Variants in PRSS16 observed in about 807,000 individuals in gnomAD.
PRSS16 encodes serine protease 16.
PRSS16 carries 43 observed loss-of-function variants against 61.7 expected under a neutral mutation model. That is an observed-to-expected ratio of 0.70 (90% confidence interval 0.55 to 0.90). The LOEUF (loss-of-function observed/expected upper bound fraction) is 0.90, where lower values mean the gene tolerates loss of function less well. PRSS16 is among the 40% of genes least tolerant of loss of function. PRSS16 has a pLI of 0.00. For missense variants in PRSS16, 591 were observed against 659.1 expected, an observed-to-expected ratio of 0.90 and a Z score of 1.13; for synonymous variants, 273 against 285.2, an observed-to-expected ratio of 0.96 and a Z score of 0.43.
rs567779647 is a variant in PRSS16 at position 27,251,388 on chromosome 6, G to C, written c.717+124G>C. On this transcript the variant is annotated intron_variant, in intron 7 of 11. Coordinates refer to ENST00000230582, the MANE Select transcript of PRSS16 (RefSeq NM_005865.4). This position sits in a 1 kb window ranked among gnomAD's most constrained non-coding sequence, Gnocchi z 5.6. ...CGGGGTCTAAGGAAGGTCGGAGCTC[G>C]GGGGAATACGCAGGTTTTGGAAGAA... 4.9e-6 allele frequency: 6 copies of C among 1,232,844 alleles called. No individual in the cohort carries two copies. Among genetic ancestry groups the C allele is most frequent in the Non-Finnish European group, 6.6e-6 (6 of 908,460 alleles). 76.4% of individuals were successfully genotyped at this position (1,232,844 alleles called of 1,614,324 possible).
chr6:27,250,795 GC>G lies in PRSS16; in HGVS notation c.583del (p.Arg195GlyfsTer2), dbSNP rs770520537. The G allele has an allele frequency of 1.2e-6, 2 of 1,610,098 alleles. No individual in the cohort carries two copies. Among genetic ancestry groups the G allele is most frequent in the Admixed American group, 3.4e-5 (2 of 59,502 alleles). The part of the protein sequence containing the change: ...GSYAGSLAAW[A>X]RLKFPHLIFA... ...CTATGCCGGCTCCTTGGCCGCCTGG[GC>G]CCGGCTGAAGGTCCTGCGACTCCTC... On this transcript the variant is annotated frameshift_variant, in exon 5 of 12. Coordinates refer to ENST00000230582, the MANE Select transcript of PRSS16 (RefSeq NM_005865.4). LOFTEE classifies it high-confidence loss of function.
intron 9 of PRSS16, chr6:27,254,314 G>A (rs959461267): frequency 5.5e-6 from 1 of 181,910 alleles, no homozygotes; most frequent in Non-Finnish European, 1.1e-5. Flanking sequence ...AAGCAGGGCA[G>A]ACATAATACA....
intron 2 of PRSS16, among the ~76,000 whole-genome samples, 157 bp downstream of exon 2, chr6:27,248,205 C>T (rs956420731): frequency 1.3e-5 from 2 of 151,776 alleles, no homozygotes; most frequent in African/African-American, 4.8e-5. Context: ...TATCCCTTTT[C>T]CTGCCCTTTG....
chr6:27,251,653 G>A lies in PRSS16; in HGVS notation c.718-97G>A. 1 of 1,443,006 alleles carries A rather than the reference G, an allele frequency of 6.9e-7. No homozygotes were observed. Among genetic ancestry groups the A allele is most frequent in the South Asian group, 1.4e-5 (1 of 70,860 alleles). 89.4% of individuals were successfully genotyped at this position (1,443,006 alleles called of 1,614,324 possible). On this transcript the variant is annotated intron_variant, in intron 7 of 11. Transcript: ENST00000230582. The surrounding 1 kb of genome is among the most constrained non-coding windows in gnomAD (Gnocchi z 5.6). ...GGTCTGCACCCTCTGAGTCCCGCTA[G>A]GGGAAAGTGGGGAACCCAAGGAGGA... is the stretch of plus-strand genomic sequence containing the variant.
In PRSS16 at chr6:27,256,327, G is replaced by C. The variant is rs1297571171; in HGVS notation, c.*1012G>C. On this transcript the variant is annotated 3_prime_UTR_variant, in exon 12 of 12. Coordinates refer to ENST00000230582, the MANE Select transcript of PRSS16 (RefSeq NM_005865.4). ...TGGAGATTCCTTCTTCCAGGGCCTG[G>C]GAGGATAGGGCTAATCCCAAGGGTG... 1 of 152,664 alleles carries C rather than the reference G, an allele frequency of 6.6e-6. No homozygotes were observed. The highest frequency in any genetic ancestry group is 1.5e-5 in the Non-Finnish European group (1 of 68,088). The allele number at this position is 152,664 out of a possible 1,614,324, so 9.5% of individuals were successfully genotyped here. A position where few individuals can be genotyped will look rare whatever the true frequency, so the allele number is the denominator to read the frequency against.
At chr6:27,248,744 A>G in intron 2 of PRSS16, 103 bp from the exon 3 acceptor site, 1 of 740,538 alleles carries the variant, frequency 1.4e-6, no homozygotes, top group Non-Finnish European at 2.2e-6. Flanking sequence ...TGTTAAGTAC[A>G]TAAGGAAAGA....
chr6:27,255,596 C>A lies in PRSS16; in HGVS notation c.*281C>A. ...AACAAATGTGACTTATGCTGGTGCCCTCGCCCTGCTGATCAGATTCTGGTT... is the reference window on the plus strand; with the variant it reads ...AACAAATGTGACTTATGCTGGTGCCATCGCCCTGCTGATCAGATTCTGGTT... On this transcript the variant is annotated 3_prime_UTR_variant, in exon 12 of 12. Transcript: ENST00000230582. The surrounding 1 kb of genome is among the most constrained non-coding windows in gnomAD (Gnocchi z 4.4). 1 of 332,132 alleles carries A rather than the reference C, an allele frequency of 3.0e-6. No homozygotes were observed. The highest frequency in any genetic ancestry group is 5.7e-6 in the Non-Finnish European group (1 of 175,548). The allele number at this position is 332,132 out of a possible 1,614,324, so 20.6% of individuals were successfully genotyped here.
chr6:27,252,870 G>A lies in PRSS16; in HGVS notation c.1071G>A (p.Gln357=). ...TTTCCCGAGCAGAGACAGTGGCACA[G>A]CTGAGGAGCACAGAACCTCAACTGT... ...LSFSRAETVA[Q]LRSTEPQLSG... Residue 357 remains glutamine (Q), a synonymous_variant, in exon 9 of 12, where the codon CAG becomes CAA. Coordinates refer to ENST00000230582, the MANE Select transcript of PRSS16 (RefSeq NM_005865.4). The surrounding 1 kb of genome is among the most constrained non-coding windows in gnomAD (Gnocchi z 4.2). 1 of 1,614,198 alleles carries A rather than the reference G, an allele frequency of 6.2e-7. No homozygotes were observed. The highest frequency in any genetic ancestry group is 1.7e-4 in the Middle Eastern group (1 of 6,056).
At position 27,255,214 on chromosome 6, in the gene PRSS16, T is replaced by C. The variant is rs1243252306; in HGVS notation, c.1477-33T>C. 1 of 1,613,884 alleles carries C rather than the reference T, an allele frequency of 6.2e-7. No homozygotes were observed. Among genetic ancestry groups the C allele is most frequent in the South Asian group, 1.1e-5 (1 of 91,066 alleles). On this transcript the variant is annotated intron_variant, in intron 11 of 11. Transcript: ENST00000230582. The surrounding 1 kb of genome is among the most constrained non-coding windows in gnomAD (Gnocchi z 4.4). The stretch of plus-strand genomic sequence containing the variant: ...TTCCCTCCTTCTGCTGGTGCTGAAA[T>C]CTGACTTTCAAATTCTTCCCACCTC...
Position 27,253,494 on chromosome 6 carries a change from A to T in PRSS16, c.1150+545A>T, listed in dbSNP as rs1481950787. 8.8e-6 allele frequency: 4 copies of T among 454,512 alleles called. No individual in the cohort carries two copies. The East Asian group carries it at 2.8e-4, about 32-fold the overall frequency. The allele number at this position is 454,512 out of a possible 1,614,324, so 28.2% of individuals were successfully genotyped here. ...CATAGCATCCACAGAGATCCTTGTA[A>T]ATATAACCTTGTCCCTCCTGTACTC... On this transcript the variant is annotated intron_variant, in intron 9 of 11. Coordinates refer to ENST00000230582, the MANE Select transcript of PRSS16 (RefSeq NM_005865.4).
At chr6:27,249,330 C>T in intron 4 of PRSS16, 101 bp downstream of exon 4, 1 of 1,408,128 alleles carries the variant, frequency 7.1e-7, no homozygotes, top group Non-Finnish European at 9.6e-7. Context: ...CTGAAGTCAA[C>T]CTCTGAGTCT....
rs1207356273 is a variant in PRSS16, at chr6:27,252,859, A to G, written c.1060A>G (p.Thr354Ala). 27 of 1,614,114 alleles carry G rather than the reference A, an allele frequency of 1.7e-5. No homozygotes were observed. Among genetic ancestry groups the G allele is most frequent in the Non-Finnish European group, 2.1e-5 (25 of 1,180,012 alleles). The change falls in exon 9 of 12, where the codon ACA becomes GCA. Residue 354 changes from threonine (T) to alanine (A), a missense_variant. Coordinates refer to ENST00000230582, the MANE Select transcript of PRSS16 (RefSeq NM_005865.4). The surrounding 1 kb of genome is among the most constrained non-coding windows in gnomAD (Gnocchi z 4.2). The stretch of plus-strand genomic sequence containing the variant: ...GTGTTTAAGCTTTTCCCGAGCAGAG[A>G]CAGTGGCACAGCTGAGGAGCACAGA... ...QKCLSFSRAE[T>A]VAQLRSTEPQ... is the part of the protein sequence containing the mutation.
rs1759938987 is a variant in PRSS16 at position 27,252,553 on chromosome 6, A to G, written c.1009-255A>G. Among the ~76,000 whole-genome samples the G allele has an allele frequency of 6.6e-6, 1 of 152,172 alleles. No individual in the cohort carries two copies. The highest frequency in any genetic ancestry group is 2.1e-4 in the South Asian group (1 of 4,832). On this transcript the variant is annotated intron_variant, in intron 8 of 11. Transcript: ENST00000230582. The surrounding 1 kb of genome is among the most constrained non-coding windows in gnomAD (Gnocchi z 4.2). ...CACTATTATTATCGCCACTTACAGA[A>G]AAGGAAACTGAAGTCTGAAAGATTA...
In PRSS16 at chr6:27,248,957, A is replaced by C; in HGVS notation, c.337+11A>C. On this transcript the variant is annotated intron_variant, in intron 3 of 11. Transcript: ENST00000230582. ...GCTCAGTGATGAGAGGTAAGAGGCA[A>C]TGTTGGGGGAAAGGAGTTGGGATGC... The C allele has an allele frequency of 6.3e-7, 1 of 1,595,062 alleles. No individual in the cohort carries two copies. Among genetic ancestry groups the C allele is most frequent in the African/African-American group, 1.3e-5 (1 of 74,496 alleles).
At position 27,251,890 on chromosome 6, in the gene PRSS16, G is replaced by A; in HGVS notation, c.858G>A (p.Gly286=). 6.2e-7 allele frequency: 1 copy of A among 1,613,434 alleles called. No homozygotes were observed. Among genetic ancestry groups the A allele is most frequent in the Non-Finnish European group, 8.5e-7 (1 of 1,179,812 alleles). ...GRAENQAELL[G]ALQALVGGVV... is the part of the protein sequence containing the mutation. ...CTGAAAACCAGGCGGAGCTGTTGGG[G>A]GCGCTGCAGGCACTGGTGGGAGGTG... is the stretch of plus-strand genomic sequence containing the variant. Residue 286 remains glycine (G), a synonymous_variant, in exon 8 of 12, where the codon GGG becomes GGA. Coordinates refer to ENST00000230582, the MANE Select transcript of PRSS16 (RefSeq NM_005865.4). This position sits in a 1 kb window ranked among gnomAD's most constrained non-coding sequence, Gnocchi z 5.6.
At chr6:27,250,165 C>T (rs1759846648) in intron 4 of PRSS16, among the ~76,000 whole-genome samples, 1 of 152,176 alleles carries the variant, frequency 6.6e-6, no homozygotes, top group South Asian at 2.1e-4. Flanking sequence ...GGTTTTCTAA[C>T]TGCAACAGGA....
chr6:27,251,571 TGCGAGGCAGGGG>T lies in PRSS16; in HGVS notation c.718-178_718-167del. ...GCAGGGAAGACCCGAGAAGGAGGGC[TGCGAGGCAGGGG>T]ATTGGGGGCGGGGGCCTGGGGGCGG... is the stretch of plus-strand genomic sequence containing the variant. On this transcript the variant is annotated intron_variant, in intron 7 of 11. Coordinates refer to ENST00000230582, the MANE Select transcript of PRSS16 (RefSeq NM_005865.4). The surrounding 1 kb of genome is among the most constrained non-coding windows in gnomAD (Gnocchi z 5.6). 1 of 534,966 alleles carries T rather than the reference TGCGAGGCAGGGG, an allele frequency of 1.9e-6. No homozygotes were observed. The highest frequency in any genetic ancestry group is 2.6e-6 in the Non-Finnish European group (1 of 388,554). 33.1% of individuals were successfully genotyped at this position (534,966 alleles called of 1,614,324 possible).
At chr6:27,250,965 GAGTA>G (rs918209266) in intron 5 of PRSS16, 73 bp from the exon 6 acceptor site, 2 of 1,589,410 alleles carry the variant, frequency 1.3e-6, no homozygotes, top group Admixed American at 3.3e-5. Flanking sequence ...ATTACACAGC[GAGTA>G]AGTGACACAG....
chr6:27,253,080 G>T, intron 9 of PRSS16, 131 bp downstream of exon 9: 1 of 1,242,144 alleles, frequency 8.1e-7, no homozygotes, highest in Non-Finnish European at 1.1e-6. Flanking sequence ...TGCAGATGTT[G>T]GGCTGGAGAA....
Sources: allele counts gnomAD v4.1 joint callset (sites outside exome capture counted in the v4.1 genomes callset), GRCh38; gene constraint gnomAD v4.1.1; non-coding constraint Gnocchi (gnomAD v3.1); transcripts MANE v1.5; gene names NCBI Gene and HGNC (gene_info 2026-07-23, HGNC 2026-07-21).